Variants in BEND6 observed in about 807,000 individuals in gnomAD.
BEND6 encodes BEN domain-containing protein 6.
Under a neutral mutation model 31.8 loss-of-function variants are expected in BEND6, and 24 were observed. The ratio of observed to expected loss-of-function variants is 0.75; its 90% CI spans 0.55 to 1.06. The LOEUF is 1.06. BEND6 is among the 50% of genes least tolerant of loss of function. The pLI is 0.00. For synonymous variants in BEND6, 109 were observed against 114.6 expected (o/e 0.95, Z 0.31); for missense variants, 294 against 327.4 (o/e 0.90, Z 0.79).
At chr6:56,984,371 T>G (rs564691354) in intron 2 of BEND6, among the ~76,000 whole-genome samples, 70 of 152,348 alleles carry the variant, frequency 4.6e-4, no homozygotes, top group African/African-American at 1.6e-3. Context: ...TTTTCGAGAG[T>G]GTTCACATCA....
intron 2 of BEND6, among the ~76,000 whole-genome samples, chr6:56,983,748 G>A (rs1477376314): frequency 6.6e-6 from 1 of 151,896 alleles, no homozygotes; most frequent in Non-Finnish European, 1.5e-5. Flanking sequence ...CACACAATTA[G>A]CACTGTTTTT....
chr6:57,004,430 C>A, intron 3 of BEND6: 1 of 580,064 alleles, frequency 1.7e-6, no homozygotes, highest in Non-Finnish European at 3.2e-6. Context: ...CCCCCCACCC[C>A]AGCTGGCTGC....
intron 1 of BEND6, among the ~76,000 whole-genome samples, chr6:56,969,929 AT>A (rs1364917158): frequency 3.3e-5 from 5 of 152,116 alleles, no homozygotes; most frequent in African/African-American, 1.2e-4. Flanking sequence ...TTAGGACATT[AT>A]TTTTCAAACT....
At chr6:56,993,853 A>G (rs1826600609) in intron 3 of BEND6, among the ~76,000 whole-genome samples, 1 of 152,010 alleles carries the variant, frequency 6.6e-6, no homozygotes, top group South Asian at 2.1e-4. Context: ...ATGCACCACC[A>G]CACCCGACTA....
rs1270229324 is a variant in BEND6 at position 57,026,352 on chromosome 6, C to G, written c.*280C>G. ...GCAATATGGTTTCTTTGGAAATAAG[C>G]ATTTCCCAATCCCCAAATACCCCTC... On this transcript the variant is annotated 3_prime_UTR_variant, in exon 7 of 7. Transcript: ENST00000370746. 6.6e-6 allele frequency: 1 copy of G among 152,164 alleles called. No homozygotes were observed. The highest frequency in any genetic ancestry group is 6.5e-5 in the Admixed American group (1 of 15,278). 9.4% of individuals were successfully genotyped at this position (152,164 alleles called of 1,614,324 possible).
rs1385658141 is a variant in BEND6, at chr6:57,026,657, T to C, written c.*585T>C. The C allele has an allele frequency of 6.6e-6, 1 of 152,224 alleles. No individual in the cohort carries two copies. The highest frequency in any genetic ancestry group is 1.5e-5 in the Non-Finnish European group (1 of 68,034). The allele number at this position is 152,224 out of a possible 1,614,324, so 9.4% of individuals were successfully genotyped here. Reference sequence around the variant, plus strand: ...GCAATAAAATTACAGGATTATTCTGTTATCTAAAAATGTATAAAATGGGAA... The same window carrying C: ...GCAATAAAATTACAGGATTATTCTGCTATCTAAAAATGTATAAAATGGGAA... On this transcript the variant is annotated 3_prime_UTR_variant, in exon 7 of 7. Transcript: ENST00000370746.
At chr6:57,009,895 G>C (rs1439617123) in intron 3 of BEND6, 1 of 152,166 alleles carries the variant, frequency 6.6e-6, no homozygotes, top group Non-Finnish European at 1.5e-5. Flanking sequence ...CCAAAATCAA[G>C]CGTGTATCCT....
At chr6:56,966,634 T>C (rs1489194095) in intron 1 of BEND6, among the ~76,000 whole-genome samples, 1 of 152,214 alleles carries the variant, frequency 6.6e-6, no homozygotes, top group African/African-American at 2.4e-5. Context: ...AGGTGAAGAT[T>C]GCCTTCCACT....
chr6:56,984,537 A>G (rs1321386288), intron 2 of BEND6, among the ~76,000 whole-genome samples: 3 of 152,202 alleles, frequency 2.0e-5, no homozygotes, highest in Non-Finnish European at 4.4e-5. Flanking sequence ...GGGAAACTCA[A>G]GGATTGCTTA....
At chr6:56,993,552 G>A (rs906658706) in intron 3 of BEND6, among the ~76,000 whole-genome samples, 1 of 152,170 alleles carries the variant, frequency 6.6e-6, no homozygotes, top group Non-Finnish European at 1.5e-5. Context: ...TGATGAATGA[G>A]GTTGAGAGTA....
intron 3 of BEND6, among the ~76,000 whole-genome samples, chr6:57,003,176 A>C (rs1827009888): frequency 6.6e-6 from 1 of 152,136 alleles, no homozygotes; most frequent in African/African-American, 2.4e-5. Context: ...AACCCTAAAC[A>C]GACTAATATC....
At chr6:57,001,191 T>C (rs1345211796) in intron 3 of BEND6, among the ~76,000 whole-genome samples, 2 of 143,144 alleles carry the variant, frequency 1.4e-5, no homozygotes, top group Admixed American at 7.1e-5. Flanking sequence ...GGTCTCAGGG[T>C]CTTGCTCTGT....
chr6:56,976,496 C>T lies in BEND6; in HGVS notation c.-100-5215C>T, dbSNP rs1026542284. On this transcript the variant is annotated intron_variant, in intron 1 of 6. Coordinates refer to ENST00000370746, the MANE Select transcript of BEND6 (RefSeq NM_152731.3). ...AGGCGTGAGTCACCATGCCCAGCCG[C>T]GTTAGTGCTTCTAAGGCAGAGTGGA... 4.6e-5 allele frequency among the ~76,000 whole-genome samples: 7 copies of T among 151,094 alleles called. No individual in the cohort carries two copies. The East Asian group carries it at 6.0e-4, about 13-fold the overall frequency.
intron 1 of BEND6, among the ~76,000 whole-genome samples, chr6:56,971,284 C>A (rs915871487): frequency 6.6e-5 from 10 of 152,082 alleles, no homozygotes; most frequent in Admixed American, 3.9e-4. Flanking sequence ...AAGGTAAATC[C>A]ATGTTATAGA....
At chr6:57,020,373 A>C (rs1827699592) in intron 6 of BEND6, among the ~76,000 whole-genome samples, 1 of 151,092 alleles carries the variant, frequency 6.6e-6, no homozygotes, top group South Asian at 2.1e-4. Flanking sequence ...TGAACTCCTC[A>C]AATGTCAGAA....
chr6:56,990,605 G>A (rs572273357), intron 2 of BEND6, among the ~76,000 whole-genome samples: 10 of 151,932 alleles, frequency 6.6e-5, no homozygotes, highest in Admixed American at 1.3e-4. Context: ...AGCACCCTAC[G>A]GTTTTCTAGA....
intron 1 of BEND6, among the ~76,000 whole-genome samples, chr6:56,968,851 G>T (rs1048452996): frequency 6.6e-6 from 1 of 152,000 alleles, no homozygotes; most frequent in Non-Finnish European, 1.5e-5. Context: ...TGAAGTGGGC[G>T]GATCACGAGG....
intron 6 of BEND6, among the ~76,000 whole-genome samples, chr6:57,018,977 TG>T (rs1827655148): frequency 6.6e-6 from 1 of 152,160 alleles, no homozygotes; most frequent in Non-Finnish European, 1.5e-5. Context: ...TTTAGACCCT[TG>T]GGAAATCTGA....
chr6:56,977,618 G>C (rs1825926109), intron 1 of BEND6, among the ~76,000 whole-genome samples: 2 of 152,232 alleles, frequency 1.3e-5, no homozygotes, highest in South Asian at 4.1e-4. Flanking sequence ...TTAAAAAATA[G>C]CTTTATTGAA....
Sources: gnomAD v4.1 joint callset for allele counts (sites outside exome capture counted in the v4.1 genomes callset) on GRCh38, gnomAD v4.1.1 for gene constraint, MANE v1.5 for transcripts, NCBI Gene and HGNC (gene_info 2026-07-23, HGNC 2026-07-21) for gene names.